Variants in ZNF710 observed in about 807,000 individuals in gnomAD.
ZNF710 encodes zinc finger protein 710.
Under a neutral mutation model 50.6 loss-of-function variants are expected in ZNF710, and 13 were observed. That is an observed-to-expected ratio of 0.26 (90% CI 0.17 to 0.41). ZNF710 has a LOEUF of 0.41. Among genes scored for constraint, ZNF710 ranks in the 10% least tolerant of loss-of-function variants. ZNF710 has a pLI of 1.00. For synonymous variants in ZNF710, 383 were observed against 397.0 expected (o/e 0.96, Z 0.42); for missense variants, 721 against 936.6 (o/e 0.77, Z 3.01).
chr15:90,041,891 GATTT>G (rs1345539204), intron 1 of ZNF710, among the ~76,000 whole-genome samples: 4 of 120,336 alleles, frequency 3.3e-5, no homozygotes, highest in African/African-American at 9.2e-5. Context: ...CTTTGTTTTT[GATTT>G]TTTTTTTTTT....
chr15:90,018,515 A>G (rs1898519174), intron 1 of ZNF710, among the ~76,000 whole-genome samples: 2 of 152,162 alleles, frequency 1.3e-5, no homozygotes, highest in African/African-American at 4.8e-5. Flanking sequence ...GTCGCCACCT[A>G]GATTAACAAA....
rs745830369 is a variant in ZNF710 at position 90,001,966 on chromosome 15, TGAGAGAGAGAGAGAGA to T, written c.-29+368_-29+383del. ...GGCGAGAGGGAGGAGAGCGCGCGAA[TGAGAGAGAGAGAGAGA>T]GAGAGAGAGAGAGAGGCAAAAATGA... On this transcript the variant is annotated intron_variant, in intron 1 of 4. Coordinates refer to ENST00000268154, the MANE Select transcript of ZNF710 (RefSeq NM_198526.4). 6.2e-5 allele frequency among the ~76,000 whole-genome samples: 6 copies of T among 96,786 alleles called. 1 individual carries two copies. Among genetic ancestry groups the T allele is most frequent in the African/African-American group, 1.7e-4 (4 of 23,538 alleles). 63.5% of individuals were successfully genotyped at this position (96,786 alleles called of 152,430 possible). A position where few individuals can be genotyped will look rare whatever the true frequency, so the allele number is the denominator to read the frequency against.
At chr15:90,005,600 CA>C (rs1898120807) in intron 1 of ZNF710, among the ~76,000 whole-genome samples, 1 of 152,174 alleles carries the variant, frequency 6.6e-6, no homozygotes, top group Admixed American at 6.5e-5. Context: ...AGGCATGCGC[CA>C]CTACACCCAG....
At chr15:90,077,168 G>A (rs1567248300) in intron 4 of ZNF710, among the ~76,000 whole-genome samples, 1 of 151,746 alleles carries the variant, frequency 6.6e-6, no homozygotes, top group Non-Finnish European at 1.5e-5. Flanking sequence ...CCCACAGGAC[G>A]GGACCATAGA....
chr15:90,010,640 A>T (rs933769835), intron 1 of ZNF710, among the ~76,000 whole-genome samples: 3 of 151,896 alleles, frequency 2.0e-5, no homozygotes, highest in African/African-American at 7.3e-5. Context: ...GGTGTTTTCT[A>T]TGTGTTCTTT....
rs1407096343 is a variant in ZNF710 at position 90,032,481 on chromosome 15, A to G, written c.-29+30867A>G. ...AATGGCCCCCAAAAAGTAACAATTA[A>G]GAATGTGTGTTTGGGGCTGGGCACG... On this transcript the variant is annotated intron_variant, in intron 1 of 4. Transcript: ENST00000268154. Among the ~76,000 whole-genome samples the G allele has an allele frequency of 2.6e-5, 4 of 152,244 alleles. No individual in the cohort carries two copies. In the East Asian group the frequency reaches 7.7e-4, roughly 29 times the overall value.
chr15:90,063,392 G>T (rs956097033), intron 1 of ZNF710, among the ~76,000 whole-genome samples: 7 of 152,060 alleles, frequency 4.6e-5, no homozygotes, highest in African/African-American at 1.2e-4. Context: ...GTTGTTCCTA[G>T]TATTAAATGG....
chr15:90,051,879 C>G (rs1899656538), intron 1 of ZNF710, among the ~76,000 whole-genome samples: 1 of 152,290 alleles, frequency 6.6e-6, no homozygotes, highest in Non-Finnish European at 1.5e-5. Flanking sequence ...ACTATACAGA[C>G]AAGGAAACCA....
intron 2 of ZNF710, among the ~76,000 whole-genome samples, chr15:90,071,436 T>C (rs1357112835): frequency 6.6e-6 from 1 of 152,086 alleles, no homozygotes; most frequent in Non-Finnish European, 1.5e-5. Context: ...CCCCTGGTGG[T>C]CATACACATC....
upstream of ZNF710, among the ~76,000 whole-genome samples, chr15:89,999,883 G>A (rs1204365968): frequency 6.6e-6 from 1 of 152,006 alleles, no homozygotes; most frequent in East Asian, 1.9e-4. Context: ...TGAGGAGAAG[G>A]GGTGGAGCCA....
At chr15:90,046,784 G>A (rs1899476308) in intron 1 of ZNF710, among the ~76,000 whole-genome samples, 1 of 152,170 alleles carries the variant, frequency 6.6e-6, no homozygotes, top group African/African-American at 2.4e-5. Context: ...TCTGAGTCTG[G>A]GTGACCAAGA....
chr15:90,021,716 G>A (rs1272460443), intron 1 of ZNF710, among the ~76,000 whole-genome samples: 1 of 152,194 alleles, frequency 6.6e-6, no homozygotes, highest in African/African-American at 2.4e-5. Context: ...TTAGCTCTTC[G>A]AATGTGCTGG....
At chr15:90,047,640 A>G (rs1899508811) in intron 1 of ZNF710, among the ~76,000 whole-genome samples, 1 of 137,776 alleles carries the variant, frequency 7.3e-6, no homozygotes, top group African/African-American at 2.9e-5. Flanking sequence ...GCTGGGGTGT[A>G]GTGGTGCGAT....
At chr15:90,069,265 G>C (rs531896882) in intron 2 of ZNF710, among the ~76,000 whole-genome samples, 1 of 151,620 alleles carries the variant, frequency 6.6e-6, no homozygotes. Flanking sequence ...AACATTAGCC[G>C]GGTGTGGTGG....
At chr15:90,013,976 C>T (rs898538064) in intron 1 of ZNF710, among the ~76,000 whole-genome samples, 14 of 152,138 alleles carry the variant, frequency 9.2e-5, no homozygotes, top group African/African-American at 3.4e-4. Context: ...TCTGGAGCCC[C>T]AGTTCCTGGC....
In ZNF710 at chr15:90,081,264, C is replaced by T. The variant is rs1900714438; in HGVS notation, c.*1435C>T. On this transcript the variant is annotated 3_prime_UTR_variant, in exon 5 of 5. Coordinates refer to ENST00000268154, the MANE Select transcript of ZNF710 (RefSeq NM_198526.4). ...CCCACGCCAGCTCCTGCCCCTGGAA[C>T]CAGAGATGACAGGCCCAGGGCAGTG... 6.8e-6 allele frequency: 1 copy of T among 147,466 alleles called. No homozygotes were observed. Among genetic ancestry groups the T allele is most frequent in the Non-Finnish European group, 1.5e-5 (1 of 66,600 alleles). The allele number at this position is 147,466 out of a possible 1,614,324, so 9.1% of individuals were successfully genotyped here.
intron 1 of ZNF710, among the ~76,000 whole-genome samples, chr15:90,008,592 G>C (rs1898216494): frequency 6.6e-6 from 1 of 150,964 alleles, no homozygotes; most frequent in Non-Finnish European, 1.5e-5. Flanking sequence ...AGAACAGCCT[G>C]GGCAACATAG....
intron 4 of ZNF710, chr15:90,075,515 C>G (rs1900563692): frequency 6.6e-6 from 1 of 152,170 alleles, no homozygotes. Context: ...AAGCAAGACC[C>G]TATCGCCAAA....
chr15:90,060,671 T>G (rs1383213935), intron 1 of ZNF710, among the ~76,000 whole-genome samples: 1 of 151,982 alleles, frequency 6.6e-6, no homozygotes, highest in Non-Finnish European at 1.5e-5. Flanking sequence ...CTGGCCAACA[T>G]GGTGAACACC....
Sources: allele counts gnomAD v4.1 joint callset (sites outside exome capture counted in the v4.1 genomes callset), GRCh38; gene constraint gnomAD v4.1.1; transcripts MANE v1.5; gene names NCBI Gene and HGNC (gene_info 2026-07-23, HGNC 2026-07-21).